The following VPS8 variants were observed in gnomAD, a reference collection of about 807,000 sequenced individuals.
VPS8 encodes the protein VPS8 subunit of CORVET complex, also known as vacuolar protein sorting-associated protein 8 homolog.
A neutral mutation model predicts 216.4 loss-of-function variants in VPS8; 129 were observed. The observed-to-expected ratio is 0.60, with a 90% CI of 0.52 to 0.69. The LOEUF (loss-of-function observed/expected upper bound fraction) is 0.69, where lower values mean the gene tolerates loss of function less well. VPS8 is among the 30% of genes least tolerant of loss of function. The probability of loss-of-function intolerance (pLI) is 0.00; values close to 1 mark genes in which losing one functional copy is unlikely to be tolerated. For missense variants in VPS8, 1,531 were observed against 1,683.5 expected, an observed-to-expected ratio of 0.91 and a Z score of 1.59; for synonymous variants, 571 against 565.4, an observed-to-expected ratio of 1.01 and a Z score of -0.14.
At chr3:184,951,976 C>T (rs779155140) in intron 36 of VPS8, among the ~76,000 whole-genome samples, 21 of 152,082 alleles carry the variant, frequency 1.4e-4, no homozygotes, top group Non-Finnish European at 2.5e-4. Flanking sequence ...CTTTGTTTCT[C>T]GTAAATGGTT....
intron 40 of VPS8, 187 bp from the exon 41 acceptor site, chr3:184,982,379 T>G: frequency 9.0e-6 from 5 of 556,348 alleles, no homozygotes; most frequent in Non-Finnish European, 9.4e-6. Context: ...GGTTTCTGCT[T>G]TGTATTGTCT....
rs150507667 is a variant in VPS8 at position 184,838,056 on chromosome 3, T to C, written c.448-658T>C. Among the ~76,000 whole-genome samples the C allele has an allele frequency of 4.7e-3, 715 of 152,346 alleles. 6 individuals carry two copies. The highest frequency in any genetic ancestry group is 0.016 in the African/African-American group (661 of 41,574). On this transcript the variant is annotated intron_variant, in intron 5 of 47. Coordinates refer to ENST00000625842, the MANE Select transcript of VPS8 (RefSeq NM_001009921.3). ...GAATTGATACTCTTACATATTTATTTGATTCTTCACATTTAATTTGATCCT... is the reference window on the plus strand; with the variant it reads ...GAATTGATACTCTTACATATTTATTCGATTCTTCACATTTAATTTGATCCT...
At position 184,849,923 on chromosome 3, in the gene VPS8, A is replaced by G. The variant is rs1471638029; in HGVS notation, c.667-13A>G. On this transcript the variant is annotated splice_polypyrimidine_tract_variant and intron_variant, in intron 9 of 47. Coordinates refer to ENST00000625842, the MANE Select transcript of VPS8 (RefSeq NM_001009921.3). ...CAATAAATTTGTTTTTGAAGCACTTAGTTGTCTTATAGATCACCATGTGGG... is the reference window on the plus strand; with the variant it reads ...CAATAAATTTGTTTTTGAAGCACTTGGTTGTCTTATAGATCACCATGTGGG... 1.2e-6 allele frequency: 2 copies of G among 1,604,808 alleles called. No homozygotes were observed. Among genetic ancestry groups the G allele is most frequent in the Non-Finnish European group, 8.5e-7 (1 of 1,175,492 alleles).
intron 34 of VPS8, 73 bp from the exon 35 acceptor site, chr3:184,936,173 C>T (rs550268714): frequency 4.6e-6 from 6 of 1,302,726 alleles, no homozygotes; most frequent in Admixed American, 2.1e-5. Context: ...GGTAGGTAAT[C>T]GTGCCTCACA....
chr3:184,833,440 C>A (rs1222675469), intron 4 of VPS8, among the ~76,000 whole-genome samples: 1 of 152,056 alleles, frequency 6.6e-6, no homozygotes, highest in Non-Finnish European at 1.5e-5. Context: ...TGTCAATGTT[C>A]TTTTCTTTAG....
chr3:184,842,633 G>A (rs1238595358), intron 7 of VPS8, among the ~76,000 whole-genome samples: 3 of 152,164 alleles, frequency 2.0e-5, no homozygotes, highest in South Asian at 2.1e-4. Flanking sequence ...AAAGTGTCTA[G>A]AGGCCTGGGT....
At chr3:185,002,038 C>T (rs1413117452) in intron 45 of VPS8, among the ~76,000 whole-genome samples, 2 of 152,014 alleles carry the variant, frequency 1.3e-5, no homozygotes, top group East Asian at 1.9e-4. Flanking sequence ...GTAAGCTAGA[C>T]GAGTTTAAGT....
At position 184,896,926 on chromosome 3, in the gene VPS8, A is replaced by G. The variant is rs113705602; in HGVS notation, c.2005-1639A>G. On this transcript the variant is annotated intron_variant, in intron 23 of 47. Transcript: ENST00000625842. Reference sequence around the variant, plus strand: ...ATTGAGTCTTGGGAGCTGAATGACAAGAAGGAATCAGTAATGCAAAGATCT... The same window carrying G: ...ATTGAGTCTTGGGAGCTGAATGACAGGAAGGAATCAGTAATGCAAAGATCT... Among the ~76,000 whole-genome samples, 322 of 152,312 alleles carry G rather than the reference A, an allele frequency of 2.1e-3. 2 individuals are homozygous for G. Among genetic ancestry groups the G allele is most frequent in the Non-Finnish European group, 2.0e-3 (137 of 68,016 alleles).
chr3:184,868,036 A>G lies in VPS8; in HGVS notation c.1483A>G (p.Met495Val). 6.2e-7 allele frequency: 1 copy of G among 1,612,928 alleles called. No homozygotes were observed. Among genetic ancestry groups the G allele is most frequent in the Non-Finnish European group, 8.5e-7 (1 of 1,179,690 alleles). ...CTTTACTTTCCAGTCTGTTTATGTGATGATGCTGAGGAGCTGGAGAGAGGT... is the reference window on the plus strand; with the variant it reads ...CTTTACTTTCCAGTCTGTTTATGTGGTGATGCTGAGGAGCTGGAGAGAGGT... The part of the protein sequence containing the change: ...FYLGTKSVYV[M>V]MLRSWRERVD... The change falls in exon 18 of 48, where the codon ATG becomes GTG. Residue 495 changes from methionine to valine, a missense_variant. Around this residue, in one of 3 missense-constraint regions of VPS8, gnomAD observed 1,318 missense variants for 1,468.4 expected, o/e 0.90. Coordinates refer to ENST00000625842, the MANE Select transcript of VPS8 (RefSeq NM_001009921.3).
chr3:184,963,656 TGG>T (rs1404313848), intron 37 of VPS8, among the ~76,000 whole-genome samples: 2 of 152,102 alleles, frequency 1.3e-5, no homozygotes, highest in East Asian at 3.8e-4. Flanking sequence ...TCTAAGGTAT[TGG>T]CGAATAGAAG....
intron 42 of VPS8, among the ~76,000 whole-genome samples, chr3:184,993,718 C>T (rs1243975780): frequency 1.3e-5 from 2 of 152,034 alleles, no homozygotes; most frequent in Admixed American, 1.3e-4. Flanking sequence ...AAGCTTCTTG[C>T]AGAAACAAAA....
Position 184,926,593 on chromosome 3 carries a change from G to A in VPS8, c.2575-1G>A. ...ATAAAAAATACTTTTTCTTCGGCCA[G>A]GTCCTTGAATTCCTTTGTAGTCCTG... On this transcript the variant is annotated splice_acceptor_variant, in intron 30 of 47. Coordinates refer to ENST00000625842, the MANE Select transcript of VPS8 (RefSeq NM_001009921.3). LOFTEE classifies it high-confidence loss of function. The A allele has an allele frequency of 6.3e-7, 1 of 1,598,068 alleles. No individual in the cohort carries two copies. Among genetic ancestry groups the A allele is most frequent in the Non-Finnish European group, 8.5e-7 (1 of 1,171,940 alleles).
chr3:184,980,678 G>A (rs991544787), intron 40 of VPS8, among the ~76,000 whole-genome samples: 1 of 152,046 alleles, frequency 6.6e-6, no homozygotes, highest in Non-Finnish European at 1.5e-5. Flanking sequence ...GATCAGTTTG[G>A]TTCTTTCTTA....
chr3:184,940,293 A>C, intron 36 of VPS8, 50 bp downstream of exon 36: 1 of 475,310 alleles, frequency 2.1e-6, no homozygotes, highest in Non-Finnish European at 2.9e-6. Flanking sequence ...TATATATGAG[A>C]AATAAAAGGA....
chr3:185,012,058 G>A (rs913195700), intron 45 of VPS8, among the ~76,000 whole-genome samples: 14 of 151,690 alleles, frequency 9.2e-5, no homozygotes, highest in African/African-American at 2.7e-4. Flanking sequence ...TTTTAACACT[G>A]AAAAAAATTA....
chr3:184,901,676 G>C (rs1734511585), intron 25 of VPS8, among the ~76,000 whole-genome samples: 1 of 152,112 alleles, frequency 6.6e-6, no homozygotes, highest in South Asian at 2.1e-4. Flanking sequence ...AATTCATATT[G>C]ATAAAGTCAA....
intron 45 of VPS8, among the ~76,000 whole-genome samples, chr3:185,014,854 C>T (rs1279131504): frequency 1.3e-5 from 2 of 152,170 alleles, no homozygotes; most frequent in Non-Finnish European, 2.9e-5. Flanking sequence ...GGGGCATTAT[C>T]TGTTTTAATA....
At chr3:184,873,105 A>T (rs1728647683) in intron 21 of VPS8, among the ~76,000 whole-genome samples, 1 of 152,162 alleles carries the variant, frequency 6.6e-6, no homozygotes, top group African/African-American at 2.4e-5. Context: ...GATACTATGT[A>T]AAGTATGTGA....
At chr3:184,911,940 C>CCGG (rs1392948430) in intron 25 of VPS8, among the ~76,000 whole-genome samples, 8 of 152,198 alleles carry the variant, frequency 5.3e-5, no homozygotes, top group African/African-American at 9.6e-5. Context: ...CAGTTTGTGT[C>CCGG]CGGCGTAGTG....
Sources: gnomAD v4.1 joint callset for allele counts (sites outside exome capture counted in the v4.1 genomes callset) on GRCh38, gnomAD v4.1.1 for gene constraint, gnomAD v4.1.1 regional missense constraint, MANE v1.5 for transcripts, NCBI Gene and HGNC (gene_info 2026-07-23, HGNC 2026-07-21) for gene names.